Variants in PRKCB observed in about 807,000 individuals in gnomAD.
PRKCB encodes the protein protein kinase C beta type.
Under a neutral mutation model 81.5 loss-of-function variants are expected in PRKCB, and 13 were observed. The observed-to-expected ratio is 0.16, with a 90% CI of 0.10 to 0.25. The LOEUF is 0.25. PRKCB is among the 10% of genes least tolerant of loss of function. The pLI is 1.00. For synonymous variants in PRKCB, 335 were observed against 321.4 expected (o/e 1.04, Z -0.45); for missense variants, 509 against 875.7 (o/e 0.58, Z 5.29).
In PRKCB at chr16:24,216,151, G is replaced by T; in HGVS notation, c.*1335G>T. On this transcript the variant is annotated 3_prime_UTR_variant, in exon 17 of 17. Coordinates refer to ENST00000643927, the MANE Select transcript of PRKCB (RefSeq NM_002738.7). ...GGCCCCAGTGTTCAGCCACTCGGAG[G>T]GGCGGGGGCTGTGGCCCATTCAGGG... 1.0e-6 allele frequency: 1 copy of T among 985,498 alleles called. No homozygotes were observed. Among genetic ancestry groups the T allele is most frequent in the Non-Finnish European group, 1.2e-6 (1 of 830,004 alleles). The allele number at this position is 985,498 out of a possible 1,614,324, so 61.0% of individuals were successfully genotyped here. A position where few individuals can be genotyped will look rare whatever the true frequency, so the allele number is the denominator to read the frequency against.
chr16:23,979,326 C>T (rs1035129284), intron 2 of PRKCB, among the ~76,000 whole-genome samples: 3 of 152,164 alleles, frequency 2.0e-5, no homozygotes, highest in East Asian at 3.8e-4. Context: ...ATAAATGAAC[C>T]TTCATTGAGA....
chr16:24,159,809 C>T (rs1177479871), intron 10 of PRKCB, among the ~76,000 whole-genome samples: 1 of 152,012 alleles, frequency 6.6e-6, no homozygotes, highest in African/African-American at 2.4e-5. Context: ...TCCTGGGCAA[C>T]ATGGCAAGAT....
At chr16:23,907,587 G>A (rs936452170) in intron 2 of PRKCB, among the ~76,000 whole-genome samples, 5 of 152,068 alleles carry the variant, frequency 3.3e-5, no homozygotes, top group Non-Finnish European at 7.3e-5. Context: ...TTGATTAGAT[G>A]CATGTGAGGC....
chr16:24,094,397 CAG>C, intron 7 of PRKCB, 100 bp downstream of exon 7: 1 of 1,456,622 alleles, frequency 6.9e-7, no homozygotes, highest in South Asian at 1.3e-5. Flanking sequence ...AATACTAAAA[CAG>C]AGTCCCAAAG....
At chr16:23,965,512 G>A (rs1325692941) in intron 2 of PRKCB, among the ~76,000 whole-genome samples, 1 of 152,190 alleles carries the variant, frequency 6.6e-6, no homozygotes, top group African/African-American at 2.4e-5. Context: ...ATGAATGGAT[G>A]AGTTAGGAAT....
chr16:23,950,102 C>T (rs1255304800), intron 2 of PRKCB, among the ~76,000 whole-genome samples: 1 of 146,478 alleles, frequency 6.8e-6, no homozygotes, highest in Non-Finnish European at 1.5e-5. Context: ...CCTGCTTCTG[C>T]CAACAGCAGC....
At chr16:24,198,323 C>T (rs1967908417) in intron 16 of PRKCB, among the ~76,000 whole-genome samples, 2 of 152,162 alleles carry the variant, frequency 1.3e-5, no homozygotes, top group Admixed American at 1.3e-4. Context: ...CTCTGAAAGG[C>T]TCCCATAGTG....
intron 3 of PRKCB, among the ~76,000 whole-genome samples, chr16:24,009,044 G>A (rs1380099079): frequency 1.3e-5 from 2 of 152,076 alleles, no homozygotes; most frequent in African/African-American, 4.8e-5. Flanking sequence ...TTTTTGGGGG[G>A]CTGAAAAATA....
At chr16:23,937,344 C>T (rs981535000) in intron 2 of PRKCB, among the ~76,000 whole-genome samples, 4 of 152,186 alleles carry the variant, frequency 2.6e-5, no homozygotes, top group Non-Finnish European at 5.9e-5. Context: ...ATATGATTAG[C>T]ACAGTGGAAC....
At position 23,901,014 on chromosome 16, in the gene PRKCB, C is replaced by T. The variant is rs973826983; in HGVS notation, c.205+63608C>T. 3.9e-5 allele frequency among the ~76,000 whole-genome samples: 6 copies of T among 152,070 alleles called. No homozygotes were observed. In the South Asian group the frequency reaches 1.0e-3, roughly 26 times the overall value. On this transcript the variant is annotated intron_variant, in intron 2 of 16. Coordinates refer to ENST00000643927, the MANE Select transcript of PRKCB (RefSeq NM_002738.7). ...CCCATTTCTAGTCCTTCTTGACCGC[C>T]CCCTCTCCTATGGGGATCCTGAGCT...
At chr16:24,029,332 G>C (rs1018040913) in intron 3 of PRKCB, among the ~76,000 whole-genome samples, 3 of 152,190 alleles carry the variant, frequency 2.0e-5, no homozygotes, top group Non-Finnish European at 2.9e-5. Flanking sequence ...TCTTGGGGCA[G>C]TTTCCCCCAT....
intron 3 of PRKCB, among the ~76,000 whole-genome samples, chr16:24,002,222 C>A (rs1465759192): frequency 1.3e-5 from 2 of 152,110 alleles, no homozygotes; most frequent in Non-Finnish European, 2.9e-5. Flanking sequence ...TTCCTCCATG[C>A]GTCCTCTTTT....
chr16:24,049,645 G>A (rs1341669510), intron 5 of PRKCB, among the ~76,000 whole-genome samples: 2 of 152,052 alleles, frequency 1.3e-5, no homozygotes, highest in Non-Finnish European at 2.9e-5. Context: ...AGTGGCCCAG[G>A]GAACATCTAG....
intron 16 of PRKCB, among the ~76,000 whole-genome samples, chr16:24,200,431 T>C (rs1242821670): frequency 2.0e-5 from 3 of 152,194 alleles, no homozygotes; most frequent in African/African-American, 4.8e-5. Context: ...AGGCTCCCTT[T>C]AGATGGTTGG....
At chr16:24,002,387 C>T (rs143202535) in intron 3 of PRKCB, among the ~76,000 whole-genome samples, 2,757 of 151,956 alleles carry the variant, frequency 0.018, 32 homozygotes, top group Non-Finnish European at 0.024. Flanking sequence ...TTCTGTTACC[C>T]AGGCTGGAGT....
At chr16:24,176,666 G>A (rs1408363944) in intron 12 of PRKCB, among the ~76,000 whole-genome samples, 1 of 152,188 alleles carries the variant, frequency 6.6e-6, no homozygotes, top group Non-Finnish European at 1.5e-5. Context: ...GCCGAGGCAG[G>A]CGGATTGCCT....
Position 23,959,959 on chromosome 16 carries a change from T to C in PRKCB, c.206-28549T>C, listed in dbSNP as rs2141788919. Among the ~76,000 whole-genome samples, 2 of 152,306 alleles carry C rather than the reference T, an allele frequency of 1.3e-5. 1 individual carries two copies. Among genetic ancestry groups the C allele is most frequent in the South Asian group, 4.1e-4 (2 of 4,826 alleles). The stretch of plus-strand genomic sequence containing the variant: ...TGCTGTGTCCCCTCACCCTTCCATT[T>C]CATTGCATTCTGGCCTGGCTTCCAA... On this transcript the variant is annotated intron_variant, in intron 2 of 16. Coordinates refer to ENST00000643927, the MANE Select transcript of PRKCB (RefSeq NM_002738.7).
intron 2 of PRKCB, among the ~76,000 whole-genome samples, chr16:23,839,279 C>CTTTTT (rs10657212): frequency 0.083 from 11,397 of 137,020 alleles, 1,309 homozygotes; most frequent in African/African-American, 0.23. Context: ...ATAGGAGTGT[C>CTTTTT]TTTTTTTTTT....
Position 24,135,271 on chromosome 16 carries a change from A to T in PRKCB, c.1065+11290A>T, listed in dbSNP as rs1444381828. Among the ~76,000 whole-genome samples the T allele has an allele frequency of 3.4e-5, 5 of 147,716 alleles. No individual in the cohort carries two copies. The South Asian group carries it at 1.1e-3, about 32-fold the overall frequency. On this transcript the variant is annotated intron_variant, in intron 9 of 16. Coordinates refer to ENST00000643927, the MANE Select transcript of PRKCB (RefSeq NM_002738.7). ...AACTACCATGCTCTGTGAGCATGAG[A>T]GAGCATTCCAGAGTTCCAGGCCCCA...
Sources: allele counts gnomAD v4.1 joint callset (sites outside exome capture counted in the v4.1 genomes callset), GRCh38; gene constraint gnomAD v4.1.1; transcripts MANE v1.5; gene names NCBI Gene and HGNC (gene_info 2026-07-23, HGNC 2026-07-21).